The following ATP10B variants were observed in gnomAD, a reference collection of about 807,000 sequenced individuals.
The protein encoded by ATP10B is phospholipid-transporting ATPase VB.
ATP10B carries 122 observed loss-of-function variants against 141.2 expected under a neutral mutation model. The ratio of observed to expected loss-of-function variants is 0.86; its 90% confidence interval spans 0.75 to 1.00. The LOEUF (loss-of-function observed/expected upper bound fraction) is 1.00. Among genes scored for constraint, ATP10B ranks in the 50% least tolerant of loss-of-function variants. The pLI is 0.00. For missense variants in ATP10B, 1,876 were observed against 1,825.3 expected, an observed-to-expected ratio of 1.03 and a Z score of -0.51; for synonymous variants, 685 against 692.0, an observed-to-expected ratio of 0.99 and a Z score of 0.16.
upstream of ATP10B, among the ~76,000 whole-genome samples, chr5:160,856,917 C>T (rs1178811463): frequency 6.6e-6 from 1 of 151,728 alleles, no homozygotes; most frequent in African/African-American, 2.4e-5. Flanking sequence ...CTGAAATAGA[C>T]TCCATTTGGC....
At chr5:160,775,338 C>T (rs1279081009) in intron 2 of ATP10B, among the ~76,000 whole-genome samples, 1 of 152,066 alleles carries the variant, frequency 6.6e-6, no homozygotes, top group Non-Finnish European at 1.5e-5. Flanking sequence ...CAGATTTAGT[C>T]AAAGTCCCAC....
intron 5 of ATP10B, chr5:160,687,048 G>C (rs756939863): frequency 2.2e-4 from 157 of 725,634 alleles, no homozygotes; most frequent in Non-Finnish European, 2.5e-4. Context: ...GCTGACTTCT[G>C]TCCATCCCTT....
intron 6 of ATP10B, among the ~76,000 whole-genome samples, chr5:160,674,396 T>C (rs761992654): frequency 6.6e-6 from 1 of 152,218 alleles, no homozygotes; most frequent in Non-Finnish European, 1.5e-5. Context: ...CTGTCACTTC[T>C]GTGAGCTGGG....
intron 24 of ATP10B, among the ~76,000 whole-genome samples, chr5:160,581,680 C>T (rs1755564773): frequency 6.6e-6 from 1 of 152,166 alleles, no homozygotes; most frequent in African/African-American, 2.4e-5. Flanking sequence ...TAGTCCAGAG[C>T]TGAGTTCAAG....
chr5:160,794,873 T>C (rs945617016), intron 1 of ATP10B, among the ~76,000 whole-genome samples: 5 of 152,210 alleles, frequency 3.3e-5, no homozygotes, highest in Non-Finnish European at 5.9e-5. Flanking sequence ...TTTCCAAATT[T>C]CAAAATAGCA....
chr5:160,572,769 TA>T (rs1754954752), intron 24 of ATP10B, among the ~76,000 whole-genome samples: 3 of 152,244 alleles, frequency 2.0e-5, no homozygotes, highest in African/African-American at 7.2e-5. Context: ...TTTAAAAGTG[TA>T]ATTAAATTGC....
intron 8 of ATP10B, among the ~76,000 whole-genome samples, chr5:160,647,360 T>C (rs4921157): frequency 6.6e-6 from 1 of 151,964 alleles, no homozygotes; most frequent in Non-Finnish European, 1.5e-5. Flanking sequence ...AGCAAGGAAT[T>C]CTCCTTCATT....
chr5:160,790,944 G>A (rs192621974), intron 1 of ATP10B, among the ~76,000 whole-genome samples: 201 of 152,284 alleles, frequency 1.3e-3, no homozygotes, highest in African/African-American at 4.4e-3. Flanking sequence ...AAAGAAGCAG[G>A]AGGAGAGATC....
chr5:160,585,830 C>T (rs909723770), intron 24 of ATP10B, among the ~76,000 whole-genome samples: 1 of 152,120 alleles, frequency 6.6e-6, no homozygotes, highest in African/African-American at 2.4e-5. Context: ...TTCTTCTTCC[C>T]TTCCTCATTG....
intron 2 of ATP10B, among the ~76,000 whole-genome samples, chr5:160,725,691 C>T (rs868291975): frequency 6.6e-6 from 1 of 152,112 alleles, no homozygotes; most frequent in Admixed American, 6.5e-5. Context: ...GTGATCTGCC[C>T]GCCTTGGCCT....
intron 9 of ATP10B, among the ~76,000 whole-genome samples, chr5:160,642,165 C>T (rs995972224): frequency 2.2e-4 from 33 of 152,204 alleles, no homozygotes; most frequent in African/African-American, 7.5e-4. Flanking sequence ...TAGAGTTCAA[C>T]TCAGGAGGCA....
intron 7 of ATP10B, among the ~76,000 whole-genome samples, chr5:160,657,256 G>T (rs562408040): frequency 6.6e-6 from 1 of 152,134 alleles, no homozygotes. Flanking sequence ...GGTGATTGAG[G>T]TTTTCTTCCT....
At chr5:160,619,577 G>T (rs1379433258) in intron 15 of ATP10B, among the ~76,000 whole-genome samples, 3 of 152,136 alleles carry the variant, frequency 2.0e-5, no homozygotes, top group African/African-American at 7.2e-5. Context: ...GGCTGATAAT[G>T]CAGGAGGCAC....
chr5:160,841,883 C>T (rs1244938127), intron 1 of ATP10B, among the ~76,000 whole-genome samples: 1 of 152,144 alleles, frequency 6.6e-6, no homozygotes, highest in Non-Finnish European at 1.5e-5. Flanking sequence ...TGCCACCATG[C>T]CCAGCTAATT....
At chr5:160,636,883 T>G (rs1759420516) in intron 10 of ATP10B, among the ~76,000 whole-genome samples, 1 of 151,690 alleles carries the variant, frequency 6.6e-6, no homozygotes, top group African/African-American at 2.4e-5. Flanking sequence ...CTTCCATTTA[T>G]CCATCCATCC....
chr5:160,926,037 C>G, the ATP10B span, among the ~76,000 whole-genome samples: 2 of 152,234 alleles, frequency 1.3e-5, no homozygotes, highest in Admixed American at 6.5e-5. Flanking sequence ...AGCACGTGCT[C>G]TGAATCAACC....
the ATP10B span, among the ~76,000 whole-genome samples, chr5:160,908,553 T>G: frequency 6.6e-6 from 1 of 152,150 alleles, no homozygotes; most frequent in Non-Finnish European, 1.5e-5. Flanking sequence ...ATTTCTTACT[T>G]TTTTGCTTCC....
intron 24 of ATP10B, among the ~76,000 whole-genome samples, chr5:160,585,061 A>G (rs1288952580): frequency 6.6e-6 from 1 of 152,204 alleles, no homozygotes; most frequent in Non-Finnish European, 1.5e-5. Flanking sequence ...TTCATTCTCA[A>G]TGACAATTTC....
At chr5:160,904,041 C>T in the ATP10B span, among the ~76,000 whole-genome samples, 31 of 152,264 alleles carry the variant, frequency 2.0e-4, no homozygotes, top group Non-Finnish European at 2.6e-4. Flanking sequence ...AACAAGCCCA[C>T]CTGAGGGGGC....
Sources: gnomAD v4.1 joint callset for allele counts (sites outside exome capture counted in the v4.1 genomes callset) on GRCh38, gnomAD v4.1.1 for gene constraint, MANE v1.5 for transcripts, NCBI Gene and HGNC (gene_info 2026-07-23, HGNC 2026-07-21) for gene names.